Variants in GPR37 observed in about 807,000 individuals in gnomAD.
The protein encoded by GPR37 is G protein-coupled receptor 37.
A neutral mutation model predicts 43.6 loss-of-function variants in GPR37; 20 were observed. The ratio of observed to expected loss-of-function variants is 0.46; its 90% CI spans 0.32 to 0.67. The LOEUF (loss-of-function observed/expected upper bound fraction) is 0.67. Ranked by LOEUF, GPR37 falls within the 30% of genes least tolerant of loss-of-function variation. The pLI is 0.03. For synonymous variants in GPR37, 315 were observed against 322.6 expected (o/e 0.98, Z 0.25); for missense variants, 724 against 797.2 (o/e 0.91, Z 1.11).
intron 1 of GPR37, among the ~76,000 whole-genome samples, chr7:124,762,020 A>G (rs1409258362): frequency 6.6e-6 from 1 of 152,182 alleles, no homozygotes; most frequent in Non-Finnish European, 1.5e-5. Flanking sequence ...GGAAAAGTTA[A>G]GCAAAAATAC....
intron 1 of GPR37, among the ~76,000 whole-genome samples, chr7:124,757,452 T>C (rs1409429090): frequency 6.6e-6 from 1 of 152,188 alleles, no homozygotes; most frequent in Non-Finnish European, 1.5e-5. Flanking sequence ...GGACTTTCTA[T>C]CCTGGGAAAG....
At chr7:124,760,260 A>T (rs1793836182) in intron 1 of GPR37, among the ~76,000 whole-genome samples, 1 of 152,188 alleles carries the variant, frequency 6.6e-6, no homozygotes, top group Non-Finnish European at 1.5e-5. Context: ...AGAAATATGA[A>T]AGTAGACAAG....
chr7:124,752,014 T>G (rs1024017583), intron 1 of GPR37, among the ~76,000 whole-genome samples: 1 of 152,138 alleles, frequency 6.6e-6, no homozygotes, highest in African/African-American at 2.4e-5. Flanking sequence ...GGATTGGCAT[T>G]AGAATACAGA....
In GPR37 at chr7:124,746,458, T is replaced by C. The variant is rs1584722305; in HGVS notation, c.*67A>G. 1.7e-6 allele frequency: 2 copies of C among 1,195,916 alleles called. No individual in the cohort carries two copies. Among genetic ancestry groups the C allele is most frequent in the East Asian group, 2.4e-5 (1 of 40,896 alleles). 74.1% of individuals were successfully genotyped at this position (1,195,916 alleles called of 1,614,324 possible). ...GCATTTTTCCCTATAAGGAAAAATA[T>C]GAATTAAAAACTTTCACGGGATATG... On this transcript the variant is annotated 3_prime_UTR_variant, in exon 2 of 2. Transcript: ENST00000303921.
intron 1 of GPR37, among the ~76,000 whole-genome samples, chr7:124,749,890 CATCAACCTA>C (rs1299505480): frequency 6.6e-6 from 1 of 152,080 alleles, no homozygotes; most frequent in Non-Finnish European, 1.5e-5. Flanking sequence ...GCATATGAAA[CATCAACCTA>C]ATATGACTGC....
In GPR37 at chr7:124,747,341, G is replaced by A. The variant is rs145146066; in HGVS notation, c.1026C>T (p.Val342=). The part of the protein sequence containing the change: ...FSCKIVPYIE[V]ASLGVTTFTL... ...TGAAAGTGGTGACTCCCAGAGAAGC[G>A]ACCTGTGGGGGAACATAGAAGACAT... Residue 342 remains valine, a splice_region_variant and synonymous_variant, in exon 2 of 2, where the codon GTC becomes GTT. Coordinates refer to ENST00000303921, the MANE Select transcript of GPR37 (RefSeq NM_005302.5). 1.9e-5 allele frequency: 30 copies of A among 1,597,336 alleles called. No homozygotes were observed. In the South Asian group the frequency reaches 2.0e-4, roughly 11 times the overall value.
chr7:124,756,589 G>A (rs773249985), intron 1 of GPR37, among the ~76,000 whole-genome samples: 1 of 152,314 alleles, frequency 6.6e-6, no homozygotes, highest in Non-Finnish European at 1.5e-5. Context: ...CTGGCACAAA[G>A]AGTATTATTC....
rs561792419 is a variant in GPR37 at position 124,757,597 on chromosome 7, G to A, written c.1023+6357C>T. ...ATGTAACTGAAAAGAATTAGAGGGA[G>A]CACAGTTTTCCCTTTAATTTCTCCA... On this transcript the variant is annotated intron_variant, in intron 1 of 1. Coordinates refer to ENST00000303921, the MANE Select transcript of GPR37 (RefSeq NM_005302.5). 5.9e-5 allele frequency among the ~76,000 whole-genome samples: 9 copies of A among 152,296 alleles called. No individual in the cohort carries two copies. The South Asian group carries it at 1.7e-3, about 28-fold the overall frequency.
At chr7:124,753,870 T>A (rs1010625805) in intron 1 of GPR37, among the ~76,000 whole-genome samples, 1 of 152,110 alleles carries the variant, frequency 6.6e-6, no homozygotes, top group African/African-American at 2.4e-5. Context: ...GTCCCAAATT[T>A]TGGTTCAGCA....
rs1246284480 is a variant in GPR37 at position 124,746,944 on chromosome 7, C to A, written c.1423G>T (p.Ala475Ser). 15 of 1,613,942 alleles carry A rather than the reference C, an allele frequency of 9.3e-6. No individual in the cohort carries two copies. Among genetic ancestry groups the A allele is most frequent in the African/African-American group, 1.3e-5 (1 of 74,908 alleles). The change falls in exon 2 of 2, where the codon GCC (alanine) becomes TCC (serine). Residue 475 changes from alanine (A) to serine (S), a missense_variant. By Grantham distance (99) the Ala-to-Ser change is moderately conservative. Coordinates refer to ENST00000303921, the MANE Select transcript of GPR37 (RefSeq NM_005302.5). ...TGCCGTTTATTCCCTCGGGTACAGGCTTTCTCTGCTTTGCGGATTTTCCTC... is the reference window on the plus strand; with the variant it reads ...TGCCGTTTATTCCCTCGGGTACAGGATTTCTCTGCTTTGCGGATTTTCCTC... The part of the protein sequence containing the change: ...TARKIRKAEK[A>S]CTRGNKRQIQ...
chr7:124,760,096 A>T (rs1793834842), intron 1 of GPR37, among the ~76,000 whole-genome samples: 1 of 152,186 alleles, frequency 6.6e-6, no homozygotes, highest in African/African-American at 2.4e-5. Context: ...CGAAAAAATT[A>T]AAAATAAAAA....
rs375447551 is a variant in GPR37 at position 124,746,681 on chromosome 7, C to T, written c.1686G>A (p.Glu562=). The change falls in exon 2 of 2, where the codon GAG becomes GAA. Residue 562 remains glutamate, a synonymous_variant. Coordinates refer to ENST00000303921, the MANE Select transcript of GPR37 (RefSeq NM_005302.5). ...ATTCCTCACAGCAACAGCAGCAGCA[C>T]TCCATGAAGGCCCGACTGAAGGGTT... ...LCKPFSRAFM[E]CCCCCCEECI... 3.1e-6 allele frequency: 5 copies of T among 1,613,816 alleles called. No homozygotes were observed. Among genetic ancestry groups the T allele is most frequent in the Non-Finnish European group, 4.2e-6 (5 of 1,179,912 alleles).
Position 124,764,471 on chromosome 7 carries a change from C to T in GPR37, c.506G>A (p.Ser169Asn). Residue 169 changes from serine (S) to asparagine (N), a missense_variant, in exon 1 of 2, where the codon AGT becomes AAT. Physicochemically the swap from Ser to Asn is conservative, Grantham distance 46. Transcript: ENST00000303921. This position sits in a 1 kb window ranked among gnomAD's most constrained non-coding sequence, Gnocchi z 5.4. Reference sequence around the variant, plus strand: ...GCTGGCTCCGGGGACTGTCTTCACACTCTGCTCCTGGCTACGCCCGGAAAT... The same window carrying T: ...GCTGGCTCCGGGGACTGTCTTCACATTCTGCTCCTGGCTACGCCCGGAAAT... ...AGISGRSQEQ[S>N]VKTVPGASDL... 1.2e-6 allele frequency: 2 copies of T among 1,613,726 alleles called. No individual in the cohort carries two copies. The highest frequency in any genetic ancestry group is 1.7e-6 in the Non-Finnish European group (2 of 1,180,048).
intron 1 of GPR37, among the ~76,000 whole-genome samples, chr7:124,748,652 T>A (rs1793701078): frequency 6.6e-6 from 1 of 151,754 alleles, no homozygotes; most frequent in Admixed American, 6.6e-5. Context: ...TACAAGAAAA[T>A]ATGCAGAAAA....
At chr7:124,748,459 T>C (rs1446113358) in intron 1 of GPR37, among the ~76,000 whole-genome samples, 1 of 152,000 alleles carries the variant, frequency 6.6e-6, no homozygotes, top group African/African-American at 2.4e-5. Context: ...AAAAATCCTA[T>C]AGTTAAAATT....
At chr7:124,759,786 C>A (rs146210261) in intron 1 of GPR37, among the ~76,000 whole-genome samples, 13 of 152,314 alleles carry the variant, frequency 8.5e-5, no homozygotes, top group African/African-American at 2.6e-4. Context: ...TCCTTTCTCA[C>A]AATAGACCTT....
At chr7:124,753,254 ATTT>A (rs956344313) in intron 1 of GPR37, among the ~76,000 whole-genome samples, 3 of 152,152 alleles carry the variant, frequency 2.0e-5, no homozygotes, top group African/African-American at 7.2e-5. Flanking sequence ...TCATAAAATA[ATTT>A]TATTATATTC....
chr7:124,749,356 T>G (rs937144381), intron 1 of GPR37, among the ~76,000 whole-genome samples: 4 of 152,080 alleles, frequency 2.6e-5, no homozygotes, highest in African/African-American at 7.2e-5. Flanking sequence ...TGCTCTCCCC[T>G]GCCTGCTGGT....
Position 124,764,801 on chromosome 7 carries a change from G to T in GPR37, c.176C>A (p.Pro59Gln), listed in dbSNP as rs773928348. The T allele has an allele frequency of 6.2e-7, 1 of 1,613,534 alleles. No homozygotes were observed. The highest frequency in any genetic ancestry group is 1.1e-5 in the South Asian group (1 of 91,090). ...IQRRGRDAWG[P>Q]GNSARDVLRA... ...CAGAACGTCTCTTGCAGAATTTCCC[G>T]GTCCCCAGGCGTCCCTGCCGCGGCG... The change falls in exon 1 of 2, where the codon CCG (proline) becomes CAG (glutamine). Residue 59 changes from proline to glutamine, a missense_variant. Around this residue, in one of 2 missense-constraint regions of GPR37, gnomAD observed 382 missense variants for 355.4 expected, o/e 1.07. Coordinates refer to ENST00000303921, the MANE Select transcript of GPR37 (RefSeq NM_005302.5). This position sits in a 1 kb window ranked among gnomAD's most constrained non-coding sequence, Gnocchi z 5.4.
Sources: allele counts gnomAD v4.1 joint callset (sites outside exome capture counted in the v4.1 genomes callset), GRCh38; gene constraint gnomAD v4.1.1; regional missense constraint gnomAD v4.1.1; non-coding constraint Gnocchi (gnomAD v3.1); transcripts MANE v1.5; gene names NCBI Gene and HGNC (gene_info 2026-07-23, HGNC 2026-07-21).